The following NRXN1 variants were observed in gnomAD, a reference collection of about 807,000 sequenced individuals.
NRXN1 encodes the protein neurexin-1.
NRXN1 carries 39 observed loss-of-function variants against 150.9 expected under a neutral mutation model. The ratio of observed to expected loss-of-function variants is 0.26; its 90% CI spans 0.20 to 0.34. The LOEUF (loss-of-function observed/expected upper bound fraction) is 0.34. Ranked by LOEUF, NRXN1 falls within the 10% of genes least tolerant of loss-of-function variation. The pLI is 1.00. For missense variants in NRXN1, 1,815 were observed against 1,949.9 expected (o/e 0.93, Z 1.30); for synonymous variants, 924 against 757.0 (o/e 1.22, Z -3.62).
At position 50,488,254 on chromosome 2, in the gene NRXN1, T is replaced by A. The variant is rs375639424; in HGVS notation, c.3070+7651A>T. On this transcript the variant is annotated intron_variant, in intron 15 of 22. Transcript: ENST00000401669. ...CCAGTAAACTCATATTTGTATAATG[T>A]GACTCTGTCTCTTATTCCCTCAACC... Among the ~76,000 whole-genome samples, 13 of 152,314 alleles carry A rather than the reference T, an allele frequency of 8.5e-5. No homozygotes were observed. The East Asian group carries it at 1.9e-3, about 23-fold the overall frequency.
At chr2:50,659,279 TACA>T (rs910056138) in intron 5 of NRXN1, among the ~76,000 whole-genome samples, 1 of 152,088 alleles carries the variant, frequency 6.6e-6, no homozygotes, top group Admixed American at 6.6e-5. Context: ...GGACATTTAT[TACA>T]ACATTTACCC....
At chr2:50,864,954 A>C (rs1469393626) in intron 5 of NRXN1, among the ~76,000 whole-genome samples, 1 of 151,948 alleles carries the variant, frequency 6.6e-6, no homozygotes. Flanking sequence ...CAGTGTAGGG[A>C]TCACATTTTG....
chr2:50,780,871 T>C (rs1215035187), intron 5 of NRXN1, among the ~76,000 whole-genome samples: 1 of 152,214 alleles, frequency 6.6e-6, no homozygotes, highest in Non-Finnish European at 1.5e-5. Flanking sequence ...GGTATCTTTC[T>C]CTTAATTAAT....
chr2:50,346,038 G>T lies in NRXN1; in HGVS notation c.3365-109068C>A, dbSNP rs542003725. ...GATGGAAGGGGAATGGTGTCCAGAG[G>T]TCCCCTCCATGCCTGCGAAGGGCTG... On this transcript the variant is annotated intron_variant, in intron 17 of 22. Transcript: ENST00000401669. This position sits in a 1 kb window ranked among gnomAD's most constrained non-coding sequence, Gnocchi z 5.0. 5.9e-5 allele frequency among the ~76,000 whole-genome samples: 9 copies of T among 152,304 alleles called. No homozygotes were observed. The East Asian group carries it at 1.6e-3, about 26-fold the overall frequency.
chr2:51,021,936 C>A (rs1029205496), intron 2 of NRXN1, among the ~76,000 whole-genome samples: 1 of 151,952 alleles, frequency 6.6e-6, no homozygotes, highest in Admixed American at 6.6e-5. Context: ...TGCTAAATCA[C>A]AAAATTCTCA....
Position 50,853,758 on chromosome 2 carries a change from G to A in NRXN1, c.832+68111C>T, listed in dbSNP as rs141129071. Among the ~76,000 whole-genome samples the A allele has an allele frequency of 1.8e-3, 278 of 152,136 alleles. 2 individuals are homozygous for A. The highest frequency in any genetic ancestry group is 0.015 in the Admixed American group (233 of 15,282). ...CCTATACAAATTCTTATCCATAAAA[G>A]CAGGCATCCTAATCTGTACTTGTCA... On this transcript the variant is annotated intron_variant, in intron 5 of 22. Transcript: ENST00000401669.
At chr2:50,502,632 G>C (rs2092008570) in intron 13 of NRXN1, among the ~76,000 whole-genome samples, 1 of 152,272 alleles carries the variant, frequency 6.6e-6, no homozygotes, top group African/African-American at 2.4e-5. Flanking sequence ...CTGGGAGCCA[G>C]GATTCTCATC....
At chr2:50,661,345 T>C (rs1019538372) in intron 5 of NRXN1, among the ~76,000 whole-genome samples, 3 of 152,056 alleles carry the variant, frequency 2.0e-5, no homozygotes, top group African/African-American at 4.8e-5. Flanking sequence ...TTTGTGGAGA[T>C]TGCTTCCTCA....
intron 17 of NRXN1, among the ~76,000 whole-genome samples, chr2:50,416,771 C>T (rs2083568910): frequency 6.6e-6 from 1 of 152,050 alleles, no homozygotes. Flanking sequence ...TGAGAACTCA[C>T]TCACTATCAG....
intron 2 of NRXN1, among the ~76,000 whole-genome samples, chr2:50,931,276 C>A (rs1419990073): frequency 1.3e-5 from 2 of 151,810 alleles, no homozygotes; most frequent in Non-Finnish European, 2.9e-5. Context: ...TATTAAAATA[C>A]TCTTAACTTT....
intron 17 of NRXN1, among the ~76,000 whole-genome samples, chr2:50,383,518 G>T (rs2081115859): frequency 6.6e-6 from 1 of 152,272 alleles, no homozygotes; most frequent in Middle Eastern, 3.4e-3. Flanking sequence ...GGGGCACAAT[G>T]TGATGTTTCA....
chr2:50,582,414 G>C (rs928865374), intron 8 of NRXN1, among the ~76,000 whole-genome samples: 4 of 133,840 alleles, frequency 3.0e-5, no homozygotes, highest in African/African-American at 1.1e-4. Flanking sequence ...CAGGGAGGCA[G>C]AGGTTGCAGT....
intron 17 of NRXN1, among the ~76,000 whole-genome samples, chr2:50,260,466 A>T (rs2068137618): frequency 6.6e-6 from 1 of 151,726 alleles, no homozygotes; most frequent in Admixed American, 6.6e-5. Flanking sequence ...TAAGACGGAG[A>T]CTCAACACAT....
At chr2:50,934,433 CAG>C (rs1160850205) in intron 2 of NRXN1, among the ~76,000 whole-genome samples, 1 of 151,958 alleles carries the variant, frequency 6.6e-6, no homozygotes, top group African/African-American at 2.4e-5. Flanking sequence ...ATTAGAAAAA[CAG>C]AGTGTTTTCT....
At chr2:50,825,889 C>G (rs572324483) in intron 5 of NRXN1, among the ~76,000 whole-genome samples, 1 of 152,328 alleles carries the variant, frequency 6.6e-6, no homozygotes, top group Admixed American at 6.5e-5. Flanking sequence ...TGGCAGGTGT[C>G]TGTTGGAGAA....
At chr2:50,563,928 G>A (rs922544195) in intron 8 of NRXN1, among the ~76,000 whole-genome samples, 1 of 152,124 alleles carries the variant, frequency 6.6e-6, no homozygotes, top group East Asian at 1.9e-4. Flanking sequence ...AACAGGAAAA[G>A]GTGGCATTTA....
intron 15 of NRXN1, among the ~76,000 whole-genome samples, chr2:50,475,356 G>A (rs2089902824): frequency 6.6e-6 from 1 of 151,958 alleles, no homozygotes; most frequent in Non-Finnish European, 1.5e-5. Flanking sequence ...AATAAATATT[G>A]TCAGCCACCT....
At chr2:50,759,826 C>CTGTGTG (rs72209781) in intron 5 of NRXN1, among the ~76,000 whole-genome samples, 2,623 of 142,352 alleles carry the variant, frequency 0.018, 38 homozygotes, top group African/African-American at 0.039. Context: ...TCTAACTAAG[C>CTGTGTG]TGTGTGTGTG....
At chr2:50,031,273 T>C (rs1448734902) in intron 21 of NRXN1, among the ~76,000 whole-genome samples, 1 of 152,024 alleles carries the variant, frequency 6.6e-6, no homozygotes, top group African/African-American at 2.4e-5. Context: ...GATTATGTTA[T>C]TACACTGCTA....
Sources: allele counts gnomAD v4.1 joint callset (sites outside exome capture counted in the v4.1 genomes callset), GRCh38; gene constraint gnomAD v4.1.1; non-coding constraint Gnocchi (gnomAD v3.1); transcripts MANE v1.5; gene names NCBI Gene and HGNC (gene_info 2026-07-23, HGNC 2026-07-21).